UACA: variants seen among roughly 807,000 people sequenced by gnomAD.
The protein encoded by UACA is nuclear membrane binding protein.
UACA carries 112 observed loss-of-function variants against 160.5 expected under a neutral mutation model. That is an observed-to-expected ratio of 0.70 (90% CI 0.60 to 0.82). The LOEUF (loss-of-function observed/expected upper bound fraction) is 0.82, where lower values mean the gene tolerates loss of function less well. UACA is among the 40% of genes least tolerant of loss of function. The pLI is 0.00. For synonymous variants in UACA, 557 were observed against 568.4 expected (o/e 0.98, Z 0.29); for missense variants, 1,574 against 1,614.6 (o/e 0.97, Z 0.43).
chr15:70,665,989 C>G (rs1896890101), intron 16 of UACA, among the ~76,000 whole-genome samples: 2 of 152,154 alleles, frequency 1.3e-5, no homozygotes, highest in African/African-American at 4.8e-5. Flanking sequence ...GTAAATTGTA[C>G]CATGAGAATT....
intron 5 of UACA, 86 bp downstream of exon 5, chr15:70,690,366 TAA>T: frequency 8.6e-7 from 1 of 1,156,712 alleles, no homozygotes; most frequent in Non-Finnish European, 1.3e-6. Flanking sequence ...ATGAATTATA[TAA>T]ATATCTATGT....
the UACA span, among the ~76,000 whole-genome samples, chr15:70,777,831 G>C: frequency 6.6e-6 from 1 of 152,156 alleles, no homozygotes; most frequent in African/African-American, 2.4e-5. Context: ...GGGGAGGGAG[G>C]AAATGAGGCA....
intron 12 of UACA, among the ~76,000 whole-genome samples, 172 bp from the exon 13 acceptor site, chr15:70,676,763 TG>T (rs1897315369): frequency 6.6e-6 from 1 of 152,234 alleles, no homozygotes; most frequent in South Asian, 2.1e-4. Context: ...AATATACTAA[TG>T]AAACATACAA....
the UACA span, among the ~76,000 whole-genome samples, chr15:70,778,589 C>A: frequency 6.6e-6 from 1 of 152,128 alleles, no homozygotes; most frequent in Non-Finnish European, 1.5e-5. Context: ...TTGGACCCAC[C>A]CAGATTATCC....
chr15:70,763,204 G>T, intron 1 of UACA, 126 bp downstream of exon 1: 1 of 1,091,650 alleles, frequency 9.2e-7, no homozygotes. Flanking sequence ...GGGAGGAGTC[G>T]CCAGGGCCGC....
intron 1 of UACA, among the ~76,000 whole-genome samples, chr15:70,741,922 T>C (rs1229729647): frequency 6.6e-6 from 1 of 152,122 alleles, no homozygotes; most frequent in East Asian, 1.9e-4. Flanking sequence ...TTAAATGAGA[T>C]AATTTGTTCT....
intron 1 of UACA, among the ~76,000 whole-genome samples, chr15:70,716,939 T>C (rs952483617): frequency 3.9e-5 from 6 of 152,142 alleles, no homozygotes; most frequent in Admixed American, 2.0e-4. Context: ...CAATGAAACA[T>C]GGCTGGGCAC....
At chr15:70,675,220 G>A (rs563410427) in intron 13 of UACA, among the ~76,000 whole-genome samples, 2 of 152,166 alleles carry the variant, frequency 1.3e-5, no homozygotes, top group African/African-American at 4.8e-5. Flanking sequence ...TTTGAGGTAC[G>A]ACAAGAATGC....
chr15:70,717,039 T>C (rs536987263), intron 1 of UACA, among the ~76,000 whole-genome samples: 176 of 152,260 alleles, frequency 1.2e-3, no homozygotes, highest in Non-Finnish European at 1.8e-3. Context: ...CTAACCAATA[T>C]GGAGAAATCC....
chr15:70,682,892 TA>T, intron 8 of UACA, 97 bp from the exon 9 acceptor site: 1 of 714,032 alleles, frequency 1.4e-6, no homozygotes, highest in South Asian at 3.4e-5. Context: ...ATTAAATAAA[TA>T]AACTTTAGAG....
the UACA span, among the ~76,000 whole-genome samples, chr15:70,773,356 T>C: frequency 2.6e-5 from 4 of 152,086 alleles, no homozygotes; most frequent in Non-Finnish European, 5.9e-5. Context: ...GGTGATAGGG[T>C]GTTCTGAAGG....
chr15:70,769,422 A>G, the UACA span, among the ~76,000 whole-genome samples: 1 of 151,562 alleles, frequency 6.6e-6, no homozygotes, highest in Non-Finnish European at 1.5e-5. Flanking sequence ...GATGATGAAC[A>G]ATGACTTTAC....
intron 1 of UACA, among the ~76,000 whole-genome samples, chr15:70,745,682 G>T (rs1899685385): frequency 6.6e-6 from 1 of 152,132 alleles, no homozygotes; most frequent in African/African-American, 2.4e-5. Context: ...GAACAAAGCT[G>T]CAGCCATCAT....
At chr15:70,768,441 A>AT (rs1454149763), upstream of UACA, 1 of 152,224 alleles carries the variant, frequency 6.6e-6, no homozygotes, top group Admixed American at 6.5e-5. Context: ...TTGACCTTAT[A>AT]CCTAAAAGCA....
At chr15:70,717,139 T>G (rs1227589876) in intron 1 of UACA, among the ~76,000 whole-genome samples, 2 of 152,190 alleles carry the variant, frequency 1.3e-5, no homozygotes, top group African/African-American at 2.4e-5. Flanking sequence ...GCGAATTGCT[T>G]GAACCCAGGA....
At chr15:70,752,287 G>A (rs1048197775) in intron 1 of UACA, among the ~76,000 whole-genome samples, 1 of 150,504 alleles carries the variant, frequency 6.6e-6, no homozygotes, top group Non-Finnish European at 1.5e-5. Context: ...GGAAGTGTTT[G>A]TGGGCTATTC....
chr15:70,736,936 G>A (rs1899386259), intron 1 of UACA, among the ~76,000 whole-genome samples: 1 of 152,132 alleles, frequency 6.6e-6, no homozygotes. Context: ...GCAGGGCTTG[G>A]CATTTTATGT....
Position 70,656,938 on chromosome 15 carries a change from CA to C in UACA, c.*117del, listed in dbSNP as rs1896490288. 1.4e-5 allele frequency: 9 copies of C among 664,336 alleles called. No homozygotes were observed. The highest frequency in any genetic ancestry group is 1.8e-5 in the African/African-American group (1 of 54,664). 41.2% of individuals were successfully genotyped at this position (664,336 alleles called of 1,614,324 possible). On this transcript the variant is annotated 3_prime_UTR_variant, in exon 19 of 19. Transcript: ENST00000322954. ...TTTAAAAAAAAACCTACCAATAGAA[CA>C]AAATATATTTTATTTTAATTATACC... is the stretch of plus-strand genomic sequence containing the variant.
chr15:70,703,416 A>G (rs1344298627), intron 1 of UACA: 1 of 476,320 alleles, frequency 2.1e-6, no homozygotes. Context: ...CATTAGGCCC[A>G]TATTCTAATT....
Sources: allele counts gnomAD v4.1 joint callset (sites outside exome capture counted in the v4.1 genomes callset), GRCh38; gene constraint gnomAD v4.1.1; transcripts MANE v1.5; gene names NCBI Gene and HGNC (gene_info 2026-07-23, HGNC 2026-07-21).